Variants in SEMA3D observed in about 807,000 individuals in gnomAD.
The protein encoded by SEMA3D is semaphorin-3D.
In SEMA3D, 84 loss-of-function variants were observed where a neutral mutation model predicts 100.1. That is an observed-to-expected ratio of 0.84 (90% CI 0.70 to 1.01). The LOEUF (loss-of-function observed/expected upper bound fraction) is 1.01, where lower values mean the gene tolerates loss of function less well. SEMA3D is among the 50% of genes least tolerant of loss of function. SEMA3D has a pLI of 0.00. For missense variants in SEMA3D, 875 were observed against 934.1 expected (o/e 0.94, Z 0.82); for synonymous variants, 312 against 320.7 (o/e 0.97, Z 0.29).
intron 11 of SEMA3D, among the ~76,000 whole-genome samples, chr7:85,039,969 C>CA (rs1195531547): frequency 1.1e-5 from 1 of 90,628 alleles, no homozygotes; most frequent in Non-Finnish European, 2.1e-5. Context: ...TACGCAAACA[C>CA]TTTTTTTTTT....
chr7:85,055,927 T>G, intron 8 of SEMA3D, 68 bp from the exon 9 acceptor site: 1 of 869,034 alleles, frequency 1.2e-6, no homozygotes, highest in South Asian at 1.7e-5. Context: ...TTTGATGATA[T>G]TTCCACGTAA....
chr7:85,249,269 A>G, the SEMA3D span, among the ~76,000 whole-genome samples: 8 of 152,196 alleles, frequency 5.3e-5, no homozygotes, highest in Non-Finnish European at 1.0e-4. Flanking sequence ...AAAACATCTG[A>G]CCAATTATCT....
At chr7:85,065,386 GC>G in intron 8 of SEMA3D, 37 bp downstream of exon 8, 1 of 1,598,174 alleles carries the variant, frequency 6.3e-7, no homozygotes. Flanking sequence ...TTAAACCAAA[GC>G]AAGACAATCA....
intron 18 of SEMA3D, among the ~76,000 whole-genome samples, chr7:85,000,529 T>C (rs1014215743): frequency 2.6e-5 from 4 of 152,162 alleles, no homozygotes; most frequent in African/African-American, 7.2e-5. Context: ...ATTAGCAACA[T>C]TGAAAGCTGA....
intron 8 of SEMA3D, among the ~76,000 whole-genome samples, chr7:85,061,100 C>A (rs970802262): frequency 6.6e-6 from 1 of 152,032 alleles, no homozygotes; most frequent in Non-Finnish European, 1.5e-5. Flanking sequence ...AAGTGTGGAA[C>A]CATCAAAGAC....
intron 12 of SEMA3D, chr7:85,029,586 G>T (rs1790488166): frequency 2.0e-6 from 1 of 504,016 alleles, no homozygotes; most frequent in African/African-American, 1.9e-5. Context: ...AACCAAACTG[G>T]ACTAGAGTGC....
Position 85,173,049 on chromosome 7 carries a change from G to A in SEMA3D, c.-173+13629C>T, listed in dbSNP as rs536055488. Among the ~76,000 whole-genome samples, 4 of 152,002 alleles carry A rather than the reference G, an allele frequency of 2.6e-5. No homozygotes were observed. In the South Asian group the frequency reaches 8.3e-4, roughly 31 times the overall value. On this transcript the variant is annotated intron_variant, in intron 1 of 18. Transcript: ENST00000284136. ...AATCACACAGTGGAAGTAAACTGTG[G>A]GCAAGGAGATGGGAATGAGAGCAGA...
intron 1 of SEMA3D, chr7:85,160,036 A>C (rs1443166119): frequency 1.1e-6 from 1 of 950,938 alleles, no homozygotes; most frequent in Non-Finnish European, 1.3e-6. Context: ...TTAAAAACTG[A>C]ACTGTTATTT....
chr7:85,243,306 C>A, the SEMA3D span, among the ~76,000 whole-genome samples: 1 of 152,100 alleles, frequency 6.6e-6, no homozygotes, highest in African/African-American at 2.4e-5. Context: ...TCTGTGAGGT[C>A]CTGTAAGAGC....
chr7:85,089,919 A>G (rs1430401718), intron 4 of SEMA3D, among the ~76,000 whole-genome samples: 1 of 152,096 alleles, frequency 6.6e-6, no homozygotes, highest in Non-Finnish European at 1.5e-5. Context: ...AAAAACACCT[A>G]CAAATATGTA....
chr7:85,032,312 T>C (rs1389026212), intron 12 of SEMA3D, among the ~76,000 whole-genome samples: 1 of 151,998 alleles, frequency 6.6e-6, no homozygotes, highest in Non-Finnish European at 1.5e-5. Context: ...TGCTCCTAAA[T>C]TCAACATCAG....
the SEMA3D span, among the ~76,000 whole-genome samples, chr7:85,193,481 C>A: frequency 6.6e-6 from 1 of 152,086 alleles, no homozygotes; most frequent in Non-Finnish European, 1.5e-5. Flanking sequence ...GGCAAAGCTA[C>A]CTTCAGCAGA....
Position 85,024,988 on chromosome 7 carries a change from C to T in SEMA3D, c.1192-2375G>A, listed in dbSNP as rs190031290. Among the ~76,000 whole-genome samples the T allele has an allele frequency of 9.3e-5, 14 of 151,260 alleles. No homozygotes were observed. The East Asian group carries it at 1.4e-3, about 15-fold the overall frequency. ...GTGTAGGGAAATGATACATCTAAAG[C>T]GGATGGTCATTCATATTCAGTTATT... On this transcript the variant is annotated intron_variant, in intron 12 of 18. Coordinates refer to ENST00000284136, the MANE Select transcript of SEMA3D (RefSeq NM_001384900.1).
At chr7:85,029,414 C>T in intron 12 of SEMA3D, 3 of 820,658 alleles carry the variant, frequency 3.7e-6, no homozygotes, top group Non-Finnish European at 6.4e-6. Flanking sequence ...AAAGCAACTG[C>T]TGAAGATGAG....
At chr7:85,054,160 T>A (rs1210625744) in intron 9 of SEMA3D, among the ~76,000 whole-genome samples, 1 of 152,080 alleles carries the variant, frequency 6.6e-6, no homozygotes, top group African/African-American at 2.4e-5. Context: ...ATTACTTTGT[T>A]ACAAATACAT....
At chr7:85,089,725 AAAT>A (rs946149786) in intron 4 of SEMA3D, among the ~76,000 whole-genome samples, 150 of 152,152 alleles carry the variant, frequency 9.9e-4, no homozygotes, top group African/African-American at 3.3e-3. Flanking sequence ...TCTCTATGAA[AAAT>A]AATAATAATA....
chr7:85,066,497 C>T (rs561334978), intron 7 of SEMA3D, among the ~76,000 whole-genome samples: 1 of 151,350 alleles, frequency 6.6e-6, no homozygotes, highest in African/African-American at 2.4e-5. Flanking sequence ...TAATGTTAGT[C>T]AGGGTGTTGG....
chr7:85,036,921 C>T lies in SEMA3D; in HGVS notation c.1159G>A (p.Asp387Asn). 2.5e-6 allele frequency: 4 copies of T among 1,613,300 alleles called. No homozygotes were observed. Among genetic ancestry groups the T allele is most frequent in the Non-Finnish European group, 3.4e-6 (4 of 1,179,460 alleles). Residue 387 changes from aspartate to asparagine, a missense_variant, in exon 12 of 19, where the codon GAT becomes AAT. Coordinates refer to ENST00000284136, the MANE Select transcript of SEMA3D (RefSeq NM_001384900.1). ...GGCCGTGGATAAGGAATTCTCCCAT[C>T]ATACTGCACCCAACGATGGTCTGCA... ...ESADHRWVQY[D>N]GRIPYPRPGT...
At chr7:85,192,082 CT>C in the SEMA3D span, among the ~76,000 whole-genome samples, 1 of 152,156 alleles carries the variant, frequency 6.6e-6, no homozygotes, top group African/African-American at 2.4e-5. Context: ...ATATTTTTAT[CT>C]CCTTTTGCCC....
Sources: allele counts gnomAD v4.1 joint callset (sites outside exome capture counted in the v4.1 genomes callset), GRCh38; gene constraint gnomAD v4.1.1; transcripts MANE v1.5; gene names NCBI Gene and HGNC (gene_info 2026-07-23, HGNC 2026-07-21).